PDE4D: variants seen among roughly 807,000 people sequenced by gnomAD.
PDE4D encodes the protein phosphodiesterase 4D.
Under a neutral mutation model 87.4 loss-of-function variants are expected in PDE4D, and 24 were observed. The ratio of observed to expected loss-of-function variants is 0.27; its 90% CI spans 0.20 to 0.39. PDE4D has a LOEUF of 0.39. Ranked by LOEUF, PDE4D falls within the 10% of genes least tolerant of loss-of-function variation. The pLI, the probability that PDE4D is intolerant of heterozygous loss-of-function variation, is 1.00. For synonymous variants in PDE4D, 384 were observed against 383.2 expected (o/e 1.00, Z -0.02); for missense variants, 714 against 1,041.0 (o/e 0.69, Z 4.32).
chr5:60,315,509 T>A (rs531136842), intron 1 of PDE4D, among the ~76,000 whole-genome samples: 1 of 152,336 alleles, frequency 6.6e-6, no homozygotes, highest in East Asian at 1.9e-4. Flanking sequence ...CATTTGTCAA[T>A]TTTGGCTTTT....
At chr5:59,103,798 A>G (rs1771143755) in intron 5 of PDE4D, among the ~76,000 whole-genome samples, 1 of 152,204 alleles carries the variant, frequency 6.6e-6, no homozygotes, top group Non-Finnish European at 1.5e-5. Context: ...CTTTAGAGCT[A>G]TTTGTATGTG....
At chr5:59,106,388 C>G (rs1190286499) in intron 5 of PDE4D, among the ~76,000 whole-genome samples, 1 of 152,240 alleles carries the variant, frequency 6.6e-6, no homozygotes, top group South Asian at 2.1e-4. Flanking sequence ...TTCTCAGTCA[C>G]TTCTGTAAAA....
intron 1 of PDE4D, among the ~76,000 whole-genome samples, chr5:59,359,533 A>G (rs1781882089): frequency 6.6e-6 from 1 of 152,178 alleles, no homozygotes; most frequent in South Asian, 2.1e-4. Context: ...TTGATTTCAA[A>G]TAGAAATATC....
intron 5 of PDE4D, chr5:59,125,390 T>C: frequency 1.9e-6 from 1 of 524,762 alleles, no homozygotes; most frequent in African/African-American, 2.1e-5. Flanking sequence ...AAGCTTCCTC[T>C]GTCAATTGAC....
chr5:59,977,007 G>C (rs538712465), intron 3 of PDE4D, among the ~76,000 whole-genome samples: 1 of 152,142 alleles, frequency 6.6e-6, no homozygotes, highest in African/African-American at 2.4e-5. Flanking sequence ...CTTTTCCTCA[G>C]GTCTCCCTAT....
At chr5:59,102,721 A>G (rs1346758500) in intron 5 of PDE4D, among the ~76,000 whole-genome samples, 1 of 152,190 alleles carries the variant, frequency 6.6e-6, no homozygotes, top group African/African-American at 2.4e-5. Flanking sequence ...GGGAACTTAT[A>G]AGAAGGAAAA....
At chr5:59,337,662 A>C (rs1180440296) in intron 1 of PDE4D, among the ~76,000 whole-genome samples, 1 of 152,198 alleles carries the variant, frequency 6.6e-6, no homozygotes, top group East Asian at 1.9e-4. Flanking sequence ...ACCAAGTGGC[A>C]GAATCAGCTA....
At chr5:59,872,537 G>A (rs1357507370) in intron 1 of PDE4D, among the ~76,000 whole-genome samples, 1 of 152,056 alleles carries the variant, frequency 6.6e-6, no homozygotes, top group East Asian at 1.9e-4. Flanking sequence ...ACAGAATTTG[G>A]AATCTGAGAT....
At chr5:59,859,715 T>C (rs1195925511) in intron 1 of PDE4D, among the ~76,000 whole-genome samples, 1 of 152,118 alleles carries the variant, frequency 6.6e-6, no homozygotes, top group Admixed American at 6.6e-5. Context: ...AATAAAATGG[T>C]GTGATGAGCT....
In PDE4D at chr5:59,449,774, G is replaced by GA. The variant is rs367585671; in HGVS notation, c.456-233807dup. On this transcript the variant is annotated intron_variant, in intron 1 of 14. Coordinates refer to ENST00000340635, the MANE Select transcript of PDE4D (RefSeq NM_001104631.2). ...GTGTGTAATTAGTTAAGAGTGGCAG[G>GA]AAAAAAAAAACCACCTACTTTATGG... Among the ~76,000 whole-genome samples the GA allele has an allele frequency of 6.4e-3, 947 of 147,456 alleles. 10 individuals carry two copies. Among genetic ancestry groups the GA allele is most frequent in the African/African-American group, 0.019 (747 of 40,272 alleles).
chr5:60,447,218 G>A (rs1745715965), intron 1 of PDE4D, among the ~76,000 whole-genome samples: 1 of 152,102 alleles, frequency 6.6e-6, no homozygotes, highest in Non-Finnish European at 1.5e-5. Flanking sequence ...GGTCCATATG[G>A]GGCCTCTGAA....
chr5:59,263,105 A>G (rs966238535), intron 1 of PDE4D, among the ~76,000 whole-genome samples: 3 of 151,894 alleles, frequency 2.0e-5, no homozygotes, highest in African/African-American at 7.2e-5. Flanking sequence ...ACCCAGTACA[A>G]TCTCCTGAAA....
At chr5:59,903,995 C>T (rs1752556171) in intron 3 of PDE4D, among the ~76,000 whole-genome samples, 1 of 152,146 alleles carries the variant, frequency 6.6e-6, no homozygotes, top group Admixed American at 6.6e-5. Flanking sequence ...GCCTTAGTTT[C>T]CTCATCTGTA....
chr5:59,450,421 G>C (rs1431680987), intron 1 of PDE4D, among the ~76,000 whole-genome samples: 1 of 152,094 alleles, frequency 6.6e-6, no homozygotes, highest in Non-Finnish European at 1.5e-5. Context: ...CAGCAGTTTA[G>C]CACTGAGTAC....
chr5:59,633,387 A>G (rs1831822728), intron 1 of PDE4D, among the ~76,000 whole-genome samples: 1 of 152,154 alleles, frequency 6.6e-6, no homozygotes. Flanking sequence ...AATACAGAGA[A>G]CCTCACAAAG....
intron 1 of PDE4D, among the ~76,000 whole-genome samples, chr5:60,514,693 T>TA (rs1001392477): frequency 6.8e-4 from 103 of 151,660 alleles, no homozygotes; most frequent in African/African-American, 2.5e-3. Context: ...TTAAATGTAA[T>TA]AAAAGGTGTT....
intron 3 of PDE4D, among the ~76,000 whole-genome samples, chr5:59,900,247 A>ATAT (rs1554108772): frequency 7.2e-5 from 8 of 110,422 alleles, no homozygotes; most frequent in African/African-American, 2.6e-4. Context: ...ATCAAAAAAA[A>ATAT]ATATATATAT....
intron 1 of PDE4D, among the ~76,000 whole-genome samples, chr5:59,566,877 GAA>G (rs11338647): frequency 1.3e-5 from 2 of 150,768 alleles, no homozygotes; most frequent in African/African-American, 2.4e-5. Flanking sequence ...TCTGGACTAA[GAA>G]AAAAAAAACA....
intron 2 of PDE4D, among the ~76,000 whole-genome samples, chr5:60,049,951 G>A (rs539438801): frequency 3.3e-5 from 5 of 152,280 alleles, no homozygotes; most frequent in South Asian, 4.1e-4. Flanking sequence ...AATGGTGGGC[G>A]CCCCTCCCCC....
Sources: gnomAD v4.1 joint callset for allele counts (sites outside exome capture counted in the v4.1 genomes callset) on GRCh38, gnomAD v4.1.1 for gene constraint, MANE v1.5 for transcripts, NCBI Gene and HGNC (gene_info 2026-07-23, HGNC 2026-07-21) for gene names.